The following TBC1D9B variants were observed in gnomAD, a reference collection of about 807,000 sequenced individuals.
TBC1D9B encodes TBC1 domain family, member 9B (with GRAM domain).
A neutral mutation model predicts 121.1 loss-of-function variants in TBC1D9B; 87 were observed. That is an observed-to-expected ratio of 0.72 (90% CI 0.60 to 0.86). The LOEUF (loss-of-function observed/expected upper bound fraction) is 0.86. TBC1D9B is among the 40% of genes least tolerant of loss of function. The pLI, the probability that TBC1D9B is intolerant of heterozygous loss-of-function variation, is 0.00. For synonymous variants in TBC1D9B, 668 were observed against 670.1 expected, an observed-to-expected ratio of 1.00 and a Z score of 0.05; for missense variants, 1,540 against 1,628.6, an observed-to-expected ratio of 0.95 and a Z score of 0.94.
At position 179,878,302 on chromosome 5, in the gene TBC1D9B, C is replaced by A. The variant is rs1172885410; in HGVS notation, c.1782+7G>T. On this transcript the variant is annotated splice_region_variant and intron_variant, in intron 10 of 20. Coordinates refer to ENST00000355235, the MANE Select transcript of TBC1D9B (RefSeq NM_015043.4). ...TGCTGTCTCTGGGCCCCTGTCAGGC[C>A]CCTTACCTGGCAGTAGCCGATGGTG... 3.7e-6 allele frequency: 6 copies of A among 1,608,876 alleles called. No individual in the cohort carries two copies. Among genetic ancestry groups the A allele is most frequent in the Non-Finnish European group, 5.1e-6 (6 of 1,178,530 alleles).
rs1432334485 is a variant in TBC1D9B at position 179,891,571 on chromosome 5, T to C, written c.852A>G (p.Arg284=). 6.2e-6 allele frequency: 10 copies of C among 1,613,078 alleles called. No individual in the cohort carries two copies. In the East Asian group the frequency reaches 2.2e-4, roughly 36 times the overall value. ...ISALKRDLDA[R]AKNECYRATF... is the part of the protein sequence containing the mutation. ...TGGCTCGGTAGCACTCATTCTTGGC[T>C]CGGGCGTCCAGGTCTCTGGGGAAAC... The change falls in exon 6 of 21, where the codon CGA becomes CGG. Residue 284 remains arginine, a synonymous_variant. Transcript: ENST00000355235. The surrounding 1 kb of genome is among the most constrained non-coding windows in gnomAD (Gnocchi z 4.3).
At position 179,870,238 on chromosome 5, in the gene TBC1D9B, G is replaced by C; in HGVS notation, c.2725+17C>G. On this transcript the variant is annotated intron_variant, in intron 16 of 20. Coordinates refer to ENST00000355235, the MANE Select transcript of TBC1D9B (RefSeq NM_015043.4). Reference sequence around the variant, plus strand: ...TGAGGGAGGGTCAAGCCCCTGGTAGGCCCTGCAGGCACTCACTCATCCCTG... The same window carrying C: ...TGAGGGAGGGTCAAGCCCCTGGTAGCCCCTGCAGGCACTCACTCATCCCTG... 6.2e-7 allele frequency: 1 copy of C among 1,613,396 alleles called. No individual in the cohort carries two copies. Among genetic ancestry groups the C allele is most frequent in the Non-Finnish European group, 8.5e-7 (1 of 1,179,736 alleles).
intron 10 of TBC1D9B, among the ~76,000 whole-genome samples, chr5:179,878,063 T>C (rs1159109337): frequency 6.6e-6 from 1 of 152,232 alleles, no homozygotes; most frequent in Non-Finnish European, 1.5e-5. Flanking sequence ...TATGTGCCTG[T>C]TTCACCAAAC....
rs113360976 is a variant in TBC1D9B at position 179,888,268 on chromosome 5, G to A, written c.1089C>T (p.Ser363=). The change falls in exon 7 of 21, where the codon AGC becomes AGT. Residue 363 remains serine, a synonymous_variant. Coordinates refer to ENST00000355235, the MANE Select transcript of TBC1D9B (RefSeq NM_015043.4). ...EKADSSSVLP[S]PLSISTKSKM... ...TGCTTTTGGTGCTGATGGACAGGGG[G>A]CTGGGCAGCACGCTGGAGCTGTCAG... 3 of 1,611,458 alleles carry A rather than the reference G, an allele frequency of 1.9e-6. No homozygotes were observed. The African/African-American group carries it at 4.0e-5, about 22-fold the overall frequency.
chr5:179,883,801 T>G (rs1172679395), intron 7 of TBC1D9B, among the ~76,000 whole-genome samples: 1 of 150,940 alleles, frequency 6.6e-6, no homozygotes, highest in Non-Finnish European at 1.5e-5. Flanking sequence ...GTACAGGGTG[T>G]GATCAGCATC....
In TBC1D9B at chr5:179,879,070, C is replaced by T. The variant is rs150301970; in HGVS notation, c.1544G>A (p.Gly515Glu). The T allele has an allele frequency of 6.2e-7, 1 of 1,604,380 alleles. No homozygotes were observed. Among genetic ancestry groups the T allele is most frequent in the Non-Finnish European group, 8.5e-7 (1 of 1,179,902 alleles). Residue 515 changes from glycine to glutamate, a missense_variant, in exon 9 of 21, where the codon GGA becomes GAA. Coordinates refer to ENST00000355235, the MANE Select transcript of TBC1D9B (RefSeq NM_015043.4). ...ACCGGAGAAGAGGAGCCACAGCTCTCCCCGGAGGCTCTCAGGGATACCCTT... is the reference window on the plus strand; with the variant it reads ...ACCGGAGAAGAGGAGCCACAGCTCTTCCCGGAGGCTCTCAGGGATACCCTT... ...VLKGIPESLR[G>E]ELWLLFSGAW...
rs1395321886 is a variant in TBC1D9B, at chr5:179,869,783, A to T, written c.2777T>A (p.Leu926Gln). ...GAGGCTCTCACCTGGGGGAAGGTGT[A>T]GCTTGTAGAGCACCTTGAGCTTCTC... ...LTEKLKVLYKLHLPPALSPEE... is the reference protein window; with the variant it reads ...LTEKLKVLYKQHLPPALSPEE... Residue 926 changes from leucine to glutamine, a missense_variant, in exon 17 of 21, where the codon CTA becomes CAA. Transcript: ENST00000355235. 6.2e-7 allele frequency: 1 copy of T among 1,600,272 alleles called. No individual in the cohort carries two copies. Among genetic ancestry groups the T allele is most frequent in the Non-Finnish European group, 8.5e-7 (1 of 1,172,706 alleles).
At chr5:179,869,923 G>A (rs1488492284) in intron 16 of TBC1D9B, 89 bp from the exon 17 acceptor site, 1 of 1,281,174 alleles carries the variant, frequency 7.8e-7, no homozygotes, top group Non-Finnish European at 1.1e-6. Context: ...TTCACAGCCT[G>A]TGCTGCCCAA....
intron 10 of TBC1D9B, 77 bp downstream of exon 10, chr5:179,878,232 G>A: frequency 6.8e-7 from 1 of 1,478,326 alleles, no homozygotes; most frequent in Non-Finnish European, 9.2e-7. Context: ...CACCACACAG[G>A]CCTGGGACCA....
At chr5:179,878,892 G>A (rs1265051360) in intron 9 of TBC1D9B, among the ~76,000 whole-genome samples, 155 bp downstream of exon 9, 4 of 152,034 alleles carry the variant, frequency 2.6e-5, no homozygotes, top group East Asian at 1.9e-4. Context: ...CCGGGCCAGA[G>A]CCCAGAGCCC....
In TBC1D9B at chr5:179,891,314, G is replaced by A; in HGVS notation, c.1044+65C>T. ...AGACAGGGCAGAGCAGGACAGGCTGGTCCCTGAGCCCACTGACACCTCGGG... is the reference window on the plus strand; with the variant it reads ...AGACAGGGCAGAGCAGGACAGGCTGATCCCTGAGCCCACTGACACCTCGGG... On this transcript the variant is annotated intron_variant, in intron 6 of 20. Transcript: ENST00000355235. This position sits in a 1 kb window ranked among gnomAD's most constrained non-coding sequence, Gnocchi z 4.3. 1.3e-6 allele frequency: 2 copies of A among 1,584,086 alleles called. No individual in the cohort carries two copies. Among genetic ancestry groups the A allele is most frequent in the Non-Finnish European group, 1.7e-6 (2 of 1,154,952 alleles).
At position 179,863,106 on chromosome 5, in the gene TBC1D9B, G is replaced by T. The variant is rs111551367; in HGVS notation, c.*342C>A. The stretch of plus-strand genomic sequence containing the variant: ...GAGGGACTCAGCTGGCCTGGCCGCA[G>T]TGTGGAGCACAGAGGTATGAGGCAA... On this transcript the variant is annotated 3_prime_UTR_variant, in exon 21 of 21. Transcript: ENST00000355235. This position sits in a 1 kb window ranked among gnomAD's most constrained non-coding sequence, Gnocchi z 4.5. 2,618 of 307,866 alleles carry T rather than the reference G, an allele frequency of 8.5e-3. 16 individuals carry two copies. Among genetic ancestry groups the T allele is most frequent in the Middle Eastern group, 0.016 (15 of 952 alleles). The allele number at this position is 307,866 out of a possible 1,614,324, so 19.1% of individuals were successfully genotyped here.
intron 2 of TBC1D9B, among the ~76,000 whole-genome samples, chr5:179,903,227 A>G (rs1389097302): frequency 6.6e-6 from 1 of 152,192 alleles, no homozygotes; most frequent in African/African-American, 2.4e-5. Flanking sequence ...TCTGGGCCAG[A>G]GTTTCTTCAC....
intron 7 of TBC1D9B, among the ~76,000 whole-genome samples, chr5:179,880,224 G>A (rs1052771398): frequency 2.6e-5 from 4 of 152,168 alleles, no homozygotes; most frequent in African/African-American, 4.8e-5. Flanking sequence ...GGTTTAGGGC[G>A]ACTGCGTCAC....
Position 179,880,053 on chromosome 5 carries a change from G to A in TBC1D9B, c.1255-264C>T, listed in dbSNP as rs557610318. 217 of 550,276 alleles carry A rather than the reference G, an allele frequency of 3.9e-4. 1 individual carries two copies. Among genetic ancestry groups the A allele is most frequent in the African/African-American group, 3.7e-3 (194 of 52,678 alleles). The allele number at this position is 550,276 out of a possible 1,614,324, so 34.1% of individuals were successfully genotyped here. On this transcript the variant is annotated intron_variant, in intron 7 of 20. Transcript: ENST00000355235. ...GTCAGTCTCAGGGAGCGGGTTCTGG[G>A]CTCACCCTGTGGGGCCCTTTTCTGA... is the stretch of plus-strand genomic sequence containing the variant.
In TBC1D9B at chr5:179,867,825, G is replaced by T; in HGVS notation, c.2816C>A (p.Ser939Ter). ...GAAATAATGGGCCGCCTCCAGGGCTGACTCGGCTTCCTCTGGGCTCAGAGC... is the reference window on the plus strand; with the variant it reads ...GAAATAATGGGCCGCCTCCAGGGCTTACTCGGCTTCCTCTGGGCTCAGAGC... ...PPALSPEEAE[S>*]ALEAAHYFTE... Residue 939 changes from serine to a stop codon, truncating the protein, a stop_gained, in exon 18 of 21, where the codon TCA becomes TAA. Coordinates refer to ENST00000355235, the MANE Select transcript of TBC1D9B (RefSeq NM_015043.4). LOFTEE classifies it high-confidence loss of function. 1 of 1,527,934 alleles carries T rather than the reference G, an allele frequency of 6.5e-7. No homozygotes were observed. Among genetic ancestry groups the T allele is most frequent in the Non-Finnish European group, 8.8e-7 (1 of 1,137,180 alleles). The allele number at this position is 1,527,934 out of a possible 1,614,324, so 94.6% of individuals were successfully genotyped here. A position where few individuals can be genotyped will look rare whatever the true frequency, so the allele number is the denominator to read the frequency against.
In TBC1D9B at chr5:179,902,303, CTG is replaced by C. The variant is rs1761186713; in HGVS notation, c.229+2397_229+2398del. 6.6e-6 allele frequency among the ~76,000 whole-genome samples: 1 copy of C among 152,218 alleles called. No individual in the cohort carries two copies. Among genetic ancestry groups the C allele is most frequent in the Non-Finnish European group, 1.5e-5 (1 of 68,030 alleles). ...GGTGTGGCTCCTCCAGGCCCTGCAG[CTG>C]TGTGGTCCGGCTGAAGGCCAGGCTG... On this transcript the variant is annotated intron_variant, in intron 2 of 20. Coordinates refer to ENST00000355235, the MANE Select transcript of TBC1D9B (RefSeq NM_015043.4). The surrounding 1 kb of genome is among the most constrained non-coding windows in gnomAD (Gnocchi z 4.9).
chr5:179,888,670 AG>A (rs1253863925), intron 6 of TBC1D9B, among the ~76,000 whole-genome samples: 4 of 152,122 alleles, frequency 2.6e-5, no homozygotes, highest in Non-Finnish European at 5.9e-5. Flanking sequence ...ACTTGTTCCC[AG>A]GGAACACTTT....
At position 179,894,490 on chromosome 5, in the gene TBC1D9B, T is replaced by C; in HGVS notation, c.473A>G (p.Asn158Ser). 6.2e-7 allele frequency: 1 copy of C among 1,614,166 alleles called. No individual in the cohort carries two copies. The highest frequency in any genetic ancestry group is 1.1e-5 in the South Asian group (1 of 91,082). The change falls in exon 4 of 21, where the codon AAT becomes AGT. Residue 158 changes from asparagine (N) to serine (S), a missense_variant. By Grantham distance (46) the Asn-to-Ser change is conservative. Transcript: ENST00000355235. ...FGMPEGEKLV[N>S]YYSCSYWKGR... ...CTTCCAGTAGCTGCAGGAGTAGTAA[T>C]TCACCAGCTTCTCGCCCTCAGGCAT...
Sources: allele counts gnomAD v4.1 joint callset (sites outside exome capture counted in the v4.1 genomes callset), GRCh38; gene constraint gnomAD v4.1.1; non-coding constraint Gnocchi (gnomAD v3.1); transcripts MANE v1.5; gene names NCBI Gene and HGNC (gene_info 2026-07-23, HGNC 2026-07-21).